FMNL1: variants seen among roughly 807,000 people sequenced by gnomAD.
FMNL1 encodes the protein formin like 1, also known as formin-like protein 1.
Under a neutral mutation model 121.3 loss-of-function variants are expected in FMNL1, and 43 were observed. The observed-to-expected ratio is 0.35, with a 90% CI of 0.28 to 0.46. The LOEUF is 0.46. Among genes scored for constraint, FMNL1 ranks in the 20% least tolerant of loss-of-function variants. The pLI, the probability that FMNL1 is intolerant of heterozygous loss-of-function variation, is 1.00. For missense variants in FMNL1, 1,191 were observed against 1,482.4 expected (o/e 0.80, Z 3.23); for synonymous variants, 613 against 613.5 (o/e 1.00, Z 0.01).
rs1335993158 is a variant in FMNL1, at chr17:45,241,970, G to C, written c.1709G>C (p.Gly570Ala). 2.0e-5 allele frequency: 26 copies of C among 1,319,886 alleles called. No homozygotes were observed. The highest frequency in any genetic ancestry group is 2.4e-5 in the Non-Finnish European group (25 of 1,037,974). The allele number at this position is 1,319,886 out of a possible 1,614,324, so 81.8% of individuals were successfully genotyped here. ...SAPPQAPPLP[G>A]SPEPPPAPPL... ...CCCCCACAGGCCCCGCCTCTCCCTG[G>C]CAGCCCGGAGCCCCCGCCTGCGCCG... Residue 570 changes from glycine (G) to alanine (A), a missense_variant, in exon 15 of 27, where the codon GGC (glycine) becomes GCC (alanine). Transcript: ENST00000331495. The surrounding 1 kb of genome is among the most constrained non-coding windows in gnomAD (Gnocchi z 7.0).
At chr17:45,224,335 C>T (rs1015353892) in intron 1 of FMNL1, among the ~76,000 whole-genome samples, 2 of 152,164 alleles carry the variant, frequency 1.3e-5, no homozygotes, top group Non-Finnish European at 2.9e-5. Context: ...GTTCAACCCT[C>T]AGGTCTGGCA....
In FMNL1 at chr17:45,241,125, A is replaced by G; in HGVS notation, c.1231-4A>G. The G allele has an allele frequency of 1.2e-6, 2 of 1,613,942 alleles. No homozygotes were observed. Among genetic ancestry groups the G allele is most frequent in the Non-Finnish European group, 1.7e-6 (2 of 1,179,932 alleles). On this transcript the variant is annotated splice_region_variant and splice_polypyrimidine_tract_variant and intron_variant, in intron 12 of 26. Transcript: ENST00000331495. This position sits in a 1 kb window ranked among gnomAD's most constrained non-coding sequence, Gnocchi z 7.0. ...TCGGGGCTCACCATGTGCTGGTGCT[A>G]CAGCTGACAGAGCGGCTTCGGGACG...
chr17:45,241,034 C>T lies in FMNL1; in HGVS notation c.1231-95C>T, dbSNP rs921820611. 6.7e-6 allele frequency: 10 copies of T among 1,483,702 alleles called. No homozygotes were observed. In the African/African-American group the frequency reaches 1.3e-4, roughly 19 times the overall value. 91.9% of individuals were successfully genotyped at this position (1,483,702 alleles called of 1,614,324 possible). On this transcript the variant is annotated intron_variant, in intron 12 of 26. Coordinates refer to ENST00000331495, the MANE Select transcript of FMNL1 (RefSeq NM_005892.4). The surrounding 1 kb of genome is among the most constrained non-coding windows in gnomAD (Gnocchi z 7.0). ...GGCTGAGCGGATCTGGGAGCCTCCC[C>T]CAGTCTTCCAGGCAGGCATGCCTGA...
At chr17:45,243,390 C>A in intron 17 of FMNL1, 70 bp downstream of exon 17, 1 of 1,547,876 alleles carries the variant, frequency 6.5e-7, no homozygotes, top group Non-Finnish European at 8.8e-7. Context: ...CAGGCAGATC[C>A]TAGTAAAAGA....
rs1396636310 is a variant in FMNL1 at position 45,240,581 on chromosome 17, G to T, written c.1186G>T (p.Ala396Ser). Residue 396 changes from alanine (A) to serine (S), a missense_variant, in exon 12 of 27, where the codon GCT becomes TCT. Around this residue, in one of 4 missense-constraint regions of FMNL1, gnomAD observed 519 missense variants for 492.8 expected, o/e 1.05. Transcript: ENST00000331495. ...GCTGGAGGACACAGAGACCAAGAAC[G>T]CTGTGCTGGAGCACATGGAGGAACT... is the stretch of plus-strand genomic sequence containing the variant. ...ALLEDTETKNAVLEHMEELQE... is the reference protein window; with the variant it reads ...ALLEDTETKNSVLEHMEELQE... 6.2e-7 allele frequency: 1 copy of T among 1,613,834 alleles called. No homozygotes were observed. The highest frequency in any genetic ancestry group is 1.1e-5 in the South Asian group (1 of 91,066).
rs377176955 is a variant in FMNL1 at position 45,233,001 on chromosome 17, G to A, written c.328-223G>A. ...TGTATACCTTGTGTGCCCATGTATC[G>A]GGGGTGTGTGTACCCTGCTTGTCTA... On this transcript the variant is annotated intron_variant, in intron 3 of 26. Coordinates refer to ENST00000331495, the MANE Select transcript of FMNL1 (RefSeq NM_005892.4). This position sits in a 1 kb window ranked among gnomAD's most constrained non-coding sequence, Gnocchi z 4.1. The A allele has an allele frequency of 4.6e-6, 3 of 649,018 alleles. No homozygotes were observed. The highest frequency in any genetic ancestry group is 1.8e-5 in the African/African-American group (1 of 56,046). 40.2% of individuals were successfully genotyped at this position (649,018 alleles called of 1,614,324 possible).
Position 45,243,131 on chromosome 17 carries a change from G to C in FMNL1, c.2024G>C (p.Ser675Thr). 1 of 1,614,210 alleles carries C rather than the reference G, an allele frequency of 6.2e-7. No homozygotes were observed. The highest frequency in any genetic ancestry group is 8.5e-7 in the Non-Finnish European group (1 of 1,180,030). ...CTGTACCTTCAGGAGCTAGACATGA[G>C]TGATTTTGAGGAACAGTTCAAGACC... ...DEKVLQELDM[S>T]DFEEQFKTKS... Residue 675 changes from serine to threonine, a missense_variant, in exon 17 of 27, where the codon AGT becomes ACT. By Grantham distance (58) the Ser-to-Thr change is moderately conservative (BLOSUM62 1). This residue lies in a region of FMNL1 where 519 missense variants were observed against 492.8 expected (regional missense o/e 1.05). Coordinates refer to ENST00000331495, the MANE Select transcript of FMNL1 (RefSeq NM_005892.4).
At chr17:45,228,598 C>T (rs1000802294) in intron 1 of FMNL1, among the ~76,000 whole-genome samples, 4 of 152,224 alleles carry the variant, frequency 2.6e-5, no homozygotes, top group Non-Finnish European at 5.9e-5. Context: ...AGGCAGTCGT[C>T]GGCGCGCAGG....
In FMNL1 at chr17:45,241,924, C is replaced by T; in HGVS notation, c.1663C>T (p.Gln555Ter). ...CCCACTGCCCGGCCTCCCCTCCCCG[C>T]AGGAAGCCCCGCCCTCTGCGCCCCC... is the stretch of plus-strand genomic sequence containing the variant. ...PPPLPGLPSPQEAPPSAPPQA... is the reference protein window; with the variant it reads ...PPPLPGLPSP The change falls in exon 15 of 27, where the codon CAG becomes TAG. Residue 555 changes from glutamine to a stop codon, truncating the protein, a stop_gained. Coordinates refer to ENST00000331495, the MANE Select transcript of FMNL1 (RefSeq NM_005892.4). LOFTEE classifies it high-confidence loss of function. This position sits in a 1 kb window ranked among gnomAD's most constrained non-coding sequence, Gnocchi z 7.0. 1 of 1,393,072 alleles carries T rather than the reference C, an allele frequency of 7.2e-7. No individual in the cohort carries two copies. The highest frequency in any genetic ancestry group is 9.2e-7 in the Non-Finnish European group (1 of 1,083,042). 86.3% of individuals were successfully genotyped at this position (1,393,072 alleles called of 1,614,324 possible).
chr17:45,233,366 TC>T lies in FMNL1; in HGVS notation c.401+73del. 1 of 1,469,584 alleles carries T rather than the reference TC, an allele frequency of 6.8e-7. No homozygotes were observed. The allele number at this position is 1,469,584 out of a possible 1,614,324, so 91.0% of individuals were successfully genotyped here. A position where few individuals can be genotyped will look rare whatever the true frequency, so the allele number is the denominator to read the frequency against. ...CTGCTTCCAGGCAGCTCCTGGAGCT[TC>T]CCCTTCCTACTCCCCCTGCCCCCTG... On this transcript the variant is annotated intron_variant, in intron 4 of 26. Coordinates refer to ENST00000331495, the MANE Select transcript of FMNL1 (RefSeq NM_005892.4). This position sits in a 1 kb window ranked among gnomAD's most constrained non-coding sequence, Gnocchi z 4.1.
chr17:45,231,104 G>GC lies in FMNL1; in HGVS notation c.213+419dup, dbSNP rs2043427539. ...AAGGGGCGGGAATTCCTGCCCTTTT[G>GC]CCTTGGGTCCAGAGGAGCTGCAGTT... On this transcript the variant is annotated intron_variant, in intron 2 of 26. Coordinates refer to ENST00000331495, the MANE Select transcript of FMNL1 (RefSeq NM_005892.4). The surrounding 1 kb of genome is among the most constrained non-coding windows in gnomAD (Gnocchi z 4.7). Among the ~76,000 whole-genome samples the GC allele has an allele frequency of 6.6e-6, 1 of 152,196 alleles. No homozygotes were observed. The highest frequency in any genetic ancestry group is 2.1e-4 in the South Asian group (1 of 4,838).
chr17:45,233,253 G>A lies in FMNL1; in HGVS notation c.357G>A (p.Gln119=). 2 of 1,561,568 alleles carry A rather than the reference G, an allele frequency of 1.3e-6. No individual in the cohort carries two copies. The highest frequency in any genetic ancestry group is 1.7e-6 in the Non-Finnish European group (2 of 1,153,022). The change falls in exon 4 of 27, where the codon CAG becomes CAA. Residue 119 remains glutamine (Q), a synonymous_variant. Coordinates refer to ENST00000331495, the MANE Select transcript of FMNL1 (RefSeq NM_005892.4). The surrounding 1 kb of genome is among the most constrained non-coding windows in gnomAD (Gnocchi z 4.1). ...GFKRRVQEST[Q]VLRELETSLR... is the part of the protein sequence containing the mutation. ...AGAGGCGAGTTCAGGAGTCCACGCAGGTGCTACGGGAGCTGGAGACCTCCC... is the reference window on the plus strand; with the variant it reads ...AGAGGCGAGTTCAGGAGTCCACGCAAGTGCTACGGGAGCTGGAGACCTCCC...
rs746728970 is a variant in FMNL1, at chr17:45,245,599, C to G, written c.2893-33C>G. ...CTGAGGGGTACAGGCTGTGAGAGGT[C>G]TAAGCTGGGGGGCTGACAGGCTGTG... On this transcript the variant is annotated intron_variant, in intron 22 of 26. Coordinates refer to ENST00000331495, the MANE Select transcript of FMNL1 (RefSeq NM_005892.4). 3 of 1,612,762 alleles carry G rather than the reference C, an allele frequency of 1.9e-6. No individual in the cohort carries two copies. The South Asian group carries it at 3.3e-5, about 18-fold the overall frequency.
At chr17:45,236,397 G>A in intron 7 of FMNL1, 153 bp downstream of exon 7, 2 of 621,370 alleles carry the variant, frequency 3.2e-6, no homozygotes, top group East Asian at 5.8e-5. Flanking sequence ...AGGCTTTTAA[G>A]GCTGATGAGT....
intron 1 of FMNL1, among the ~76,000 whole-genome samples, chr17:45,226,184 C>G (rs1029505058): frequency 6.6e-6 from 1 of 152,234 alleles, no homozygotes; most frequent in Non-Finnish European, 1.5e-5. Flanking sequence ...CGAAAACTGC[C>G]TGGTGGCCGG....
At chr17:45,246,376 T>C in intron 25 of FMNL1, 46 bp downstream of exon 25, 1 of 1,614,074 alleles carries the variant, frequency 6.2e-7, no homozygotes, top group Middle Eastern at 1.6e-4. Context: ...TCTGTCCTTC[T>C]ATGCTTTCTT....
chr17:45,233,473 C>T lies in FMNL1; in HGVS notation c.402-175C>T, dbSNP rs12103702. 0.072 allele frequency among the ~76,000 whole-genome samples: 10,962 copies of T among 152,162 alleles called. 402 individuals carry two copies. The highest frequency in any genetic ancestry group is 0.12 in the Admixed American group (1,772 of 15,294). On this transcript the variant is annotated intron_variant, in intron 4 of 26. Coordinates refer to ENST00000331495, the MANE Select transcript of FMNL1 (RefSeq NM_005892.4). The surrounding 1 kb of genome is among the most constrained non-coding windows in gnomAD (Gnocchi z 4.1). ...CCCTTCCTGCCCATGCTCTGACTGG[C>T]ACCTTGAGGCATGGCTGGGCTGTGG... is the stretch of plus-strand genomic sequence containing the variant.
chr17:45,242,108 C>G lies in FMNL1; in HGVS notation c.1847C>G (p.Pro616Arg), dbSNP rs1296642758. The part of the protein sequence containing the change: ...PPPPPPPGGP[P>R]DALGRRDSEL... ...CCGCCGCCGCCTCCCGGAGGTCCTC[C>G]TGATGCCCTAGGAAGACGCGACTCA... The change falls in exon 15 of 27, where the codon CCT becomes CGT. Residue 616 changes from proline to arginine, a missense_variant. Pro to Arg is a moderately radical substitution (Grantham distance 103). Coordinates refer to ENST00000331495, the MANE Select transcript of FMNL1 (RefSeq NM_005892.4). 6.5e-7 allele frequency: 1 copy of G among 1,536,264 alleles called. No individual in the cohort carries two copies. Among genetic ancestry groups the G allele is most frequent in the Admixed American group, 2.0e-5 (1 of 49,842 alleles).
chr17:45,225,905 G>A (rs894003134), intron 1 of FMNL1, among the ~76,000 whole-genome samples: 2 of 152,178 alleles, frequency 1.3e-5, no homozygotes, highest in African/African-American at 4.8e-5. Flanking sequence ...GTGAAATAGA[G>A]GACTTCGCAC....
Sources: gnomAD v4.1 joint callset for allele counts (sites outside exome capture counted in the v4.1 genomes callset) on GRCh38, gnomAD v4.1.1 for gene constraint, gnomAD v4.1.1 regional missense constraint, Gnocchi (gnomAD v3.1) non-coding constraint, MANE v1.5 for transcripts, NCBI Gene and HGNC (gene_info 2026-07-23, HGNC 2026-07-21) for gene names.